The following TOX2 variants were observed in gnomAD, a reference collection of about 807,000 sequenced individuals.
TOX2 encodes the protein TOX high mobility group box family member 2, also known as granulosa cell HMG box 1.
A neutral mutation model predicts 47.4 loss-of-function variants in TOX2; 15 were observed. The observed-to-expected ratio is 0.32, with a 90% CI of 0.21 to 0.49. The LOEUF is 0.49. Ranked by LOEUF, TOX2 falls within the 20% of genes least tolerant of loss-of-function variation. The pLI is 0.99. For missense variants in TOX2, 622 were observed against 673.1 expected (o/e 0.92, Z 0.84); for synonymous variants, 290 against 296.6 (o/e 0.98, Z 0.23).
chr20:43,941,296 C>CATTTGGAT (rs2069399207), intron 1 of TOX2, among the ~76,000 whole-genome samples: 2 of 149,926 alleles, frequency 1.3e-5, no homozygotes, highest in South Asian at 4.2e-4. Context: ...GCAGGGTGGC[C>CATTTGGAT]ATTTGGATAA....
chr20:44,009,563 G>A (rs372441888), intron 3 of TOX2, among the ~76,000 whole-genome samples: 17 of 152,280 alleles, frequency 1.1e-4, no homozygotes, highest in African/African-American at 3.8e-4. Context: ...TTATGCCTGA[G>A]GTTGCAATTT....
At chr20:43,959,944 A>G (rs1298998954) in intron 1 of TOX2, among the ~76,000 whole-genome samples, 1 of 152,152 alleles carries the variant, frequency 6.6e-6, no homozygotes, top group Non-Finnish European at 1.5e-5. Context: ...CAGCCTTCTC[A>G]TTAGAGTGTA....
chr20:44,034,198 TG>T (rs2071202553), intron 3 of TOX2, among the ~76,000 whole-genome samples: 2 of 151,914 alleles, frequency 1.3e-5, no homozygotes, highest in South Asian at 4.2e-4. Context: ...GTACACCCTC[TG>T]CACCCTCCTT....
intron 2 of TOX2, among the ~76,000 whole-genome samples, chr20:43,977,887 TCTC>T (rs2070109597): frequency 6.6e-6 from 1 of 151,614 alleles, no homozygotes. Flanking sequence ...CCAGAAAGAG[TCTC>T]CTCCTTCCTG....
intron 2 of TOX2, 60 bp downstream of exon 2, chr20:43,973,492 T>C: frequency 1.3e-6 from 2 of 1,524,162 alleles, no homozygotes; most frequent in Non-Finnish European, 1.8e-6. Context: ...GGATCTGAGC[T>C]GTTCCTGGGT....
At chr20:43,942,298 C>G (rs527478186) in intron 1 of TOX2, among the ~76,000 whole-genome samples, 7 of 152,194 alleles carry the variant, frequency 4.6e-5, no homozygotes, top group Non-Finnish European at 1.0e-4. Flanking sequence ...TGGCCAAGAT[C>G]TAAGGGTACA....
intron 5 of TOX2, among the ~76,000 whole-genome samples, chr20:44,060,170 T>C (rs1023784124): frequency 1.3e-5 from 2 of 152,152 alleles, no homozygotes; most frequent in Non-Finnish European, 2.9e-5. Context: ...AGGGACATTA[T>C]ATAATAAAAC....
chr20:43,969,448 C>CCTCT (rs1194222203), intron 1 of TOX2, among the ~76,000 whole-genome samples: 1 of 152,174 alleles, frequency 6.6e-6, no homozygotes, highest in East Asian at 1.9e-4. Flanking sequence ...GACTTTGTGA[C>CCTCT]CTCTCCCCTT....
intron 3 of TOX2, among the ~76,000 whole-genome samples, chr20:44,040,990 A>C (rs1270280694): frequency 6.6e-6 from 1 of 152,188 alleles, no homozygotes; most frequent in Admixed American, 6.5e-5. Flanking sequence ...GGGGCTGTCT[A>C]GAAGCAGAGC....
intron 1 of TOX2, among the ~76,000 whole-genome samples, chr20:43,968,289 G>C (rs2069897160): frequency 6.6e-6 from 1 of 152,168 alleles, no homozygotes; most frequent in Admixed American, 6.5e-5. Flanking sequence ...CAGTGACTCT[G>C]TGGTCATAAG....
At chr20:44,052,008 G>A (rs993742686) in intron 4 of TOX2, among the ~76,000 whole-genome samples, 12 of 152,206 alleles carry the variant, frequency 7.9e-5, no homozygotes, top group East Asian at 1.9e-4. Context: ...GCCAGTGGGC[G>A]ATTTCAGAGG....
intron 1 of TOX2, among the ~76,000 whole-genome samples, chr20:43,925,196 C>T (rs952704655): frequency 2.6e-5 from 4 of 151,590 alleles, no homozygotes; most frequent in Non-Finnish European, 5.9e-5. Context: ...CTCTTTTATG[C>T]TGATATTTTC....
chr20:43,940,511 A>G (rs1284864153), intron 1 of TOX2, among the ~76,000 whole-genome samples: 1 of 150,144 alleles, frequency 6.7e-6, no homozygotes. Context: ...GGTGTGAGCA[A>G]TCGCACCTGG....
intron 3 of TOX2, among the ~76,000 whole-genome samples, chr20:44,046,467 CAA>C (rs148243460): frequency 2.4e-3 from 363 of 152,308 alleles, no homozygotes; most frequent in Non-Finnish European, 4.0e-3. Context: ...GATGTCTACT[CAA>C]GAGAATTGAA....
intron 2 of TOX2, among the ~76,000 whole-genome samples, chr20:43,975,153 A>G (rs2070053637): frequency 6.6e-6 from 1 of 152,114 alleles, no homozygotes; most frequent in Non-Finnish European, 1.5e-5. Context: ...GAACTATATT[A>G]TGGTGAATTC....
chr20:43,941,261 A>C (rs893255462), intron 1 of TOX2, among the ~76,000 whole-genome samples: 13 of 151,762 alleles, frequency 8.6e-5, no homozygotes, highest in African/African-American at 2.9e-4. Flanking sequence ...CAAAGGTTCG[A>C]GAGTCCCAGG....
chr20:43,928,968 C>G (rs140836705), intron 1 of TOX2, among the ~76,000 whole-genome samples: 3 of 111,140 alleles, frequency 2.7e-5, no homozygotes, highest in African/African-American at 1.7e-4. Context: ...AACCCTGTCT[C>G]TACTAAAAAT....
intron 3 of TOX2, among the ~76,000 whole-genome samples, chr20:44,045,597 T>C (rs1054729378): frequency 2.6e-5 from 4 of 152,218 alleles, no homozygotes; most frequent in Non-Finnish European, 5.9e-5. Context: ...TGCCAGGTTG[T>C]TTTCTAAAGT....
At chr20:43,921,953 C>T (rs1001957268) in intron 1 of TOX2, among the ~76,000 whole-genome samples, 2 of 152,162 alleles carry the variant, frequency 1.3e-5, no homozygotes, top group African/African-American at 4.8e-5. Flanking sequence ...GAGAGTTGCT[C>T]ATTTCCTCCA....
Sources: allele counts gnomAD v4.1 joint callset (sites outside exome capture counted in the v4.1 genomes callset), GRCh38; gene constraint gnomAD v4.1.1; transcripts MANE v1.5; gene names NCBI Gene and HGNC (gene_info 2026-07-23, HGNC 2026-07-21).